The following CCSER1 variants were observed in gnomAD, a reference collection of about 807,000 sequenced individuals.
CCSER1 encodes the protein coiled-coil serine rich protein 1.
Under a neutral mutation model 82.0 loss-of-function variants are expected in CCSER1, and 41 were observed. That is an observed-to-expected ratio of 0.50 (90% CI 0.39 to 0.65). CCSER1 has a LOEUF of 0.65. Ranked by LOEUF, CCSER1 falls within the 30% of genes least tolerant of loss-of-function variation. The pLI is 0.00. For synonymous variants in CCSER1, 414 were observed against 383.9 expected, an observed-to-expected ratio of 1.08 and a Z score of -0.92; for missense variants, 1,119 against 1,064.2, an observed-to-expected ratio of 1.05 and a Z score of -0.72.
intron 3 of CCSER1, among the ~76,000 whole-genome samples, chr4:90,315,651 G>GGCACC (rs1736042144): frequency 6.6e-6 from 1 of 151,966 alleles, no homozygotes; most frequent in Non-Finnish European, 1.5e-5. Flanking sequence ...CCACAAGTGT[G>GGCACC]TGCCACCATG....
intron 10 of CCSER1, among the ~76,000 whole-genome samples, chr4:91,210,000 T>C: frequency 6.6e-6 from 1 of 151,614 alleles, no homozygotes; most frequent in Non-Finnish European, 1.5e-5. Flanking sequence ...AACAAGGGCT[T>C]ACTGAGGAAA....
intron 10 of CCSER1, among the ~76,000 whole-genome samples, chr4:91,201,604 T>C (rs2149067556): frequency 6.6e-6 from 1 of 152,114 alleles, no homozygotes; most frequent in African/African-American, 2.4e-5. Context: ...ACTGCAAAAA[T>C]ATATCCAGTG....
At chr4:90,141,471 G>C (rs755789572) in intron 1 of CCSER1, among the ~76,000 whole-genome samples, 1 of 152,104 alleles carries the variant, frequency 6.6e-6, no homozygotes, top group Non-Finnish European at 1.5e-5. Flanking sequence ...CATTTTCTTT[G>C]GTCAGAGATA....
At chr4:90,491,543 C>G (rs1033252523) in intron 5 of CCSER1, among the ~76,000 whole-genome samples, 1 of 152,132 alleles carries the variant, frequency 6.6e-6, no homozygotes, top group Non-Finnish European at 1.5e-5. Flanking sequence ...GCCAGAACTT[C>G]CAACACTATG....
chr4:90,454,717 CCA>C (rs1761957157), intron 4 of CCSER1, among the ~76,000 whole-genome samples: 1 of 152,122 alleles, frequency 6.6e-6, no homozygotes, highest in Non-Finnish European at 1.5e-5. Context: ...GCCTGCTTTT[CCA>C]CAGTAGTCAG....
chr4:90,362,955 A>T (rs1280650418), intron 3 of CCSER1, among the ~76,000 whole-genome samples: 4 of 152,158 alleles, frequency 2.6e-5, no homozygotes, highest in Non-Finnish European at 5.9e-5. Context: ...CAAATTGAGT[A>T]AATTTATATT....
chr4:90,493,273 C>A (rs533850651), intron 5 of CCSER1, among the ~76,000 whole-genome samples: 2 of 152,042 alleles, frequency 1.3e-5, no homozygotes, highest in East Asian at 3.9e-4. Flanking sequence ...GTGAAAAGAC[C>A]AAATCTACAT....
chr4:91,053,677 G>C (rs1324602306), intron 9 of CCSER1, among the ~76,000 whole-genome samples: 1 of 152,160 alleles, frequency 6.6e-6, no homozygotes, highest in Non-Finnish European at 1.5e-5. Context: ...TGCAATCACT[G>C]TCCGGATTCC....
chr4:90,912,819 T>G (rs6532257), intron 8 of CCSER1, among the ~76,000 whole-genome samples: 81,579 of 152,016 alleles, frequency 0.54, 23,625 homozygotes, highest in African/African-American at 0.77. Flanking sequence ...GAAAACCATG[T>G]CACGAGAACT....
At chr4:91,307,755 C>A (rs1258799864) in intron 10 of CCSER1, among the ~76,000 whole-genome samples, 1 of 151,828 alleles carries the variant, frequency 6.6e-6, no homozygotes, top group Non-Finnish European at 1.5e-5. Context: ...ATAAGAAGTT[C>A]TTTTGGTACA....
intron 6 of CCSER1, among the ~76,000 whole-genome samples, chr4:90,656,064 CTTCATCT>C: frequency 6.6e-6 from 1 of 151,884 alleles, no homozygotes; most frequent in Admixed American, 6.6e-5. Context: ...CACCTCTTCA[CTTCATCT>C]TTCAGAGAAA....
chr4:90,861,172 A>G (rs1765044488), intron 8 of CCSER1, among the ~76,000 whole-genome samples: 1 of 151,724 alleles, frequency 6.6e-6, no homozygotes, highest in Non-Finnish European at 1.5e-5. Context: ...TGGATTTTTC[A>G]AAAGCAGAAA....
intron 10 of CCSER1, among the ~76,000 whole-genome samples, chr4:91,453,818 T>A (rs1261356921): frequency 6.6e-6 from 1 of 152,112 alleles, no homozygotes; most frequent in African/African-American, 2.4e-5. Flanking sequence ...TTTATCATTA[T>A]ATCACATATT....
chr4:90,208,513 G>A (rs989948056), intron 1 of CCSER1, among the ~76,000 whole-genome samples: 1 of 151,826 alleles, frequency 6.6e-6, no homozygotes, highest in Non-Finnish European at 1.5e-5. Context: ...GGGCGTGAAC[G>A]GTTTTGTCTC....
At chr4:91,379,379 C>A (rs1365564016) in intron 10 of CCSER1, among the ~76,000 whole-genome samples, 1 of 152,128 alleles carries the variant, frequency 6.6e-6, no homozygotes, top group Admixed American at 6.5e-5. Flanking sequence ...TCCGTCTGGT[C>A]CTGGACTTTT....
rs149952075 is a variant in CCSER1, at chr4:90,855,676, T to C, written c.2094+39831T>C. Among the ~76,000 whole-genome samples the C allele has an allele frequency of 3.7e-4, 56 of 152,276 alleles. No individual in the cohort carries two copies. In the East Asian group the frequency reaches 7.5e-3, roughly 20 times the overall value. On this transcript the variant is annotated intron_variant, in intron 8 of 10. Coordinates refer to ENST00000509176, the MANE Select transcript of CCSER1 (RefSeq NM_001145065.2). ...AAATACTTTTTTTCTTGGAGATAAGTGATATTTATTAATTGATTAATATCT... is the reference window on the plus strand; with the variant it reads ...AAATACTTTTTTTCTTGGAGATAAGCGATATTTATTAATTGATTAATATCT...
intron 8 of CCSER1, among the ~76,000 whole-genome samples, chr4:90,897,785 T>C (rs1723945189): frequency 6.6e-6 from 1 of 152,064 alleles, no homozygotes; most frequent in Non-Finnish European, 1.5e-5. Flanking sequence ...TATACCAACA[T>C]TTGTTATTTT....
intron 1 of CCSER1, among the ~76,000 whole-genome samples, chr4:90,220,634 T>C (rs1741976931): frequency 6.6e-6 from 1 of 152,206 alleles, no homozygotes; most frequent in Admixed American, 6.5e-5. Flanking sequence ...TTTCTGTACT[T>C]TGTATCCGTC....
At chr4:91,162,477 A>AT (rs1731524104) in intron 10 of CCSER1, among the ~76,000 whole-genome samples, 1 of 152,006 alleles carries the variant, frequency 6.6e-6, no homozygotes, top group Admixed American at 6.6e-5. Context: ...CTCTTTTTCT[A>AT]TTGATTGGAA....
Sources: gnomAD v4.1 joint callset for allele counts (sites outside exome capture counted in the v4.1 genomes callset) on GRCh38, gnomAD v4.1.1 for gene constraint, MANE v1.5 for transcripts, NCBI Gene and HGNC (gene_info 2026-07-23, HGNC 2026-07-21) for gene names.